CRYBG2: variants seen among roughly 807,000 people sequenced by gnomAD.
The protein encoded by CRYBG2 is crystallin beta-gamma domain containing 2.
CRYBG2 carries 106 observed loss-of-function variants against 153.4 expected under a neutral mutation model. The observed-to-expected ratio is 0.69, with a 90% confidence interval of 0.59 to 0.81. The LOEUF is 0.81. CRYBG2 is among the 30% of genes least tolerant of loss of function. The pLI, the probability that CRYBG2 is intolerant of heterozygous loss-of-function variation, is 0.00. For missense variants in CRYBG2, 1,996 were observed against 2,112.0 expected (o/e 0.95, Z 1.08); for synonymous variants, 851 against 877.8 (o/e 0.97, Z 0.54).
At chr1:26,352,853 G>A (rs1348873110) in intron 1 of CRYBG2, among the ~76,000 whole-genome samples, 13 of 151,226 alleles carry the variant, frequency 8.6e-5, no homozygotes, top group Admixed American at 3.3e-4. Flanking sequence ...ATCCAAGCAG[G>A]TCTCAGAGCC....
At position 26,336,474 on chromosome 1, in the gene CRYBG2, GC is replaced by G. The variant is rs1277899726; in HGVS notation, c.4039-105del. ...ACCCCGCGGCCGCGCCCTCGGCCCC[GC>G]CCCCTTCTAAGGCCCCGCCCCAAGC... is the stretch of plus-strand genomic sequence containing the variant. On this transcript the variant is annotated intron_variant, in intron 12 of 19. Transcript: ENST00000308182. This position sits in a 1 kb window ranked among gnomAD's most constrained non-coding sequence, Gnocchi z 4.9. The G allele has an allele frequency of 4.5e-6, 7 of 1,549,430 alleles. No homozygotes were observed. The highest frequency in any genetic ancestry group is 2.7e-5 in the African/African-American group (2 of 72,886).
intron 14 of CRYBG2, among the ~76,000 whole-genome samples, chr1:26,335,583 G>A (rs887629058): frequency 1.3e-5 from 2 of 152,228 alleles, no homozygotes; most frequent in African/African-American, 4.8e-5. Context: ...GATAGCTTGA[G>A]CCCAGGAGTT....
chr1:26,337,709 C>T (rs1483894513), intron 8 of CRYBG2, 35 bp from the exon 9 acceptor site: 1 of 1,602,398 alleles, frequency 6.2e-7, no homozygotes. Context: ...TCATCTGGAC[C>T]CAAACACACC....
rs566879984 is a variant in CRYBG2 at position 26,345,955 on chromosome 1, C to T, written c.703G>A (p.Val235Met). ...GGCACGAGGTTACTTAGCACTTTCA[C>T]GGCCTGGCTGCGGCTGGGCGAGCCT... ...PPGSPSRSQA[V>M]KVLSNLVPAG... Residue 235 changes from valine to methionine, a missense_variant, in exon 2 of 20, where the codon GTG (valine) becomes ATG (methionine). By Grantham distance (21) the Val-to-Met change is conservative. Coordinates refer to ENST00000308182, the MANE Select transcript of CRYBG2 (RefSeq NM_001039775.4). 1.1e-5 allele frequency: 17 copies of T among 1,594,546 alleles called. No homozygotes were observed. Among genetic ancestry groups the T allele is most frequent in the East Asian group, 6.7e-5 (3 of 44,766 alleles).
chr1:26,337,738 C>T (rs568074733), intron 8 of CRYBG2, 64 bp from the exon 9 acceptor site: 2 of 1,580,030 alleles, frequency 1.3e-6, no homozygotes, highest in African/African-American at 2.7e-5. Flanking sequence ...TCAGGAATGG[C>T]TCTGCCCAGC....
At chr1:26,353,875 G>C (rs993353024) in intron 1 of CRYBG2, among the ~76,000 whole-genome samples, 161 bp downstream of exon 1, 2 of 152,210 alleles carry the variant, frequency 1.3e-5, no homozygotes, top group African/African-American at 4.8e-5. Context: ...TGTGGGCAAA[G>C]GGAGGGAGAG....
At chr1:26,341,979 A>C (rs2074136712) in intron 5 of CRYBG2, among the ~76,000 whole-genome samples, 1 of 151,940 alleles carries the variant, frequency 6.6e-6, no homozygotes, top group Non-Finnish European at 1.5e-5. Context: ...CCCAATCCTC[A>C]CAGCCTAGCT....
In CRYBG2 at chr1:26,325,433, G is replaced by A. The variant is rs1240056828; in HGVS notation, c.4579-1123C>T. On this transcript the variant is annotated intron_variant, in intron 17 of 19. Transcript: ENST00000308182. This position sits in a 1 kb window ranked among gnomAD's most constrained non-coding sequence, Gnocchi z 4.1. The stretch of plus-strand genomic sequence containing the variant: ...AAATTAGCCAGGTGTGGTGGCACAC[G>A]CCTGTAATCACAGCTACTCGGGAGG... Among the ~76,000 whole-genome samples the A allele has an allele frequency of 2.6e-5, 4 of 152,130 alleles. No individual in the cohort carries two copies. The highest frequency in any genetic ancestry group is 6.6e-5 in the Admixed American group (1 of 15,262).
Position 26,345,246 on chromosome 1 carries a change from G to A in CRYBG2, c.1412C>T (p.Ala471Val), listed in dbSNP as rs763831936. 6.3e-7 allele frequency: 1 copy of A among 1,584,526 alleles called. No homozygotes were observed. Among genetic ancestry groups the A allele is most frequent in the South Asian group, 1.1e-5 (1 of 88,028 alleles). Reference sequence around the variant, plus strand: ...CTCCTTCCGGGTGGGAGATGAGGCAGCAGGAGCACCGGGGCCCTTCACGAC... The same window carrying A: ...CTCCTTCCGGGTGGGAGATGAGGCAACAGGAGCACCGGGGCCCTTCACGAC... ...REVVKGPGAP[A>V]ASSPTRKEVV... The change falls in exon 2 of 20, where the codon GCT (alanine) becomes GTT (valine). Residue 471 changes from alanine (A) to valine (V), a missense_variant. By Grantham distance (64) the Ala-to-Val change is moderately conservative. Coordinates refer to ENST00000308182, the MANE Select transcript of CRYBG2 (RefSeq NM_001039775.4).
At chr1:26,347,976 G>T (rs2124048342) in intron 1 of CRYBG2, among the ~76,000 whole-genome samples, 1 of 152,018 alleles carries the variant, frequency 6.6e-6, no homozygotes, top group South Asian at 2.1e-4. Flanking sequence ...ACTGAGTCTT[G>T]CTCTGTTGCC....
intron 15 of CRYBG2, among the ~76,000 whole-genome samples, chr1:26,331,070 T>C (rs4659371): frequency 0.79 from 120,560 of 152,176 alleles, 48,432 homozygotes; most frequent in Middle Eastern, 0.84. Flanking sequence ...CACTGGTCTG[T>C]GGCTGGCAGG....
chr1:26,349,353 C>T (rs2074262347), intron 1 of CRYBG2, among the ~76,000 whole-genome samples: 1 of 152,002 alleles, frequency 6.6e-6, no homozygotes, highest in Admixed American at 6.6e-5. Flanking sequence ...ATGAGGTTGT[C>T]AAGCAGGGAT....
In CRYBG2 at chr1:26,343,214, CTGCCCCCACCCACT is replaced by C; in HGVS notation, c.2961+18_2961+31del. The C allele has an allele frequency of 1.3e-6, 2 of 1,550,628 alleles. No homozygotes were observed. The highest frequency in any genetic ancestry group is 1.7e-6 in the Non-Finnish European group (2 of 1,147,006). On this transcript the variant is annotated intron_variant, in intron 3 of 19. Transcript: ENST00000308182. This position sits in a 1 kb window ranked among gnomAD's most constrained non-coding sequence, Gnocchi z 4.1. ...CCTGACCCCAGGCCCCTGCATCCTG[CTGCCCCCACCCACT>C]TGCCCCCACAACCCTACCTTTCCAG...
chr1:26,353,644 A>G (rs2074308504), intron 1 of CRYBG2, among the ~76,000 whole-genome samples: 1 of 151,844 alleles, frequency 6.6e-6, no homozygotes, highest in Non-Finnish European at 1.5e-5. Flanking sequence ...CCTCTCAACA[A>G]CTCAAGGCCC....
intron 5 of CRYBG2, among the ~76,000 whole-genome samples, chr1:26,339,662 G>T (rs532715492): frequency 1.8e-4 from 28 of 152,126 alleles, no homozygotes; most frequent in Admixed American, 5.9e-4. Context: ...CTTGAACCTG[G>T]GAGGCAGAGG....
chr1:26,337,948 G>C, intron 8 of CRYBG2, 64 bp downstream of exon 8: 32 of 1,579,236 alleles, frequency 2.0e-5, no homozygotes, highest in Non-Finnish European at 2.8e-5. Flanking sequence ...TCCAGACCAC[G>C]ATAACCAAAC....
intron 5 of CRYBG2, among the ~76,000 whole-genome samples, chr1:26,340,908 C>T (rs1004766209): frequency 1.3e-5 from 2 of 151,922 alleles, no homozygotes; most frequent in African/African-American, 4.8e-5. Context: ...TGAGCCACCG[C>T]GTCCAGCCTC....
chr1:26,324,128 C>A, intron 18 of CRYBG2, 24 bp downstream of exon 18: 1 of 1,606,230 alleles, frequency 6.2e-7, no homozygotes, highest in South Asian at 1.1e-5. Context: ...CAGGGTGTCC[C>A]TGTGCCAGCC....
intron 14 of CRYBG2, among the ~76,000 whole-genome samples, chr1:26,332,261 C>G (rs1342302481): frequency 7.1e-6 from 1 of 141,578 alleles, no homozygotes; most frequent in Non-Finnish European, 1.5e-5. Context: ...GAGCTGAGAT[C>G]ACGCCACTAC....
Sources: gnomAD v4.1 joint callset for allele counts (sites outside exome capture counted in the v4.1 genomes callset) on GRCh38, gnomAD v4.1.1 for gene constraint, Gnocchi (gnomAD v3.1) non-coding constraint, MANE v1.5 for transcripts, NCBI Gene and HGNC (gene_info 2026-07-23, HGNC 2026-07-21) for gene names.